Variants in ROBO2 observed in about 807,000 individuals in gnomAD.
The protein encoded by ROBO2 is roundabout guidance receptor 2.
ROBO2 carries 53 observed loss-of-function variants against 160.8 expected under a neutral mutation model. The observed-to-expected ratio is 0.33, with a 90% confidence interval of 0.26 to 0.41. The LOEUF is 0.41. Ranked by LOEUF, ROBO2 falls within the 10% of genes least tolerant of loss-of-function variation. The pLI, the probability that ROBO2 is intolerant of heterozygous loss-of-function variation, is 1.00. For missense variants in ROBO2, 1,577 were observed against 1,722.4 expected (o/e 0.92, Z 1.49); for synonymous variants, 664 against 611.7 (o/e 1.09, Z -1.26).
At chr3:77,632,922 A>G in intron 23 of ROBO2, 1 of 279,618 alleles carries the variant, frequency 3.6e-6, no homozygotes, top group Non-Finnish European at 6.6e-6. Flanking sequence ...TCCTTTTTAT[A>G]TTACGGCAAA....
At chr3:76,824,070 A>G (rs908824147) in intron 2 of ROBO2, among the ~76,000 whole-genome samples, 1 of 152,136 alleles carries the variant, frequency 6.6e-6, no homozygotes, top group Admixed American at 6.6e-5. Flanking sequence ...ACCACCCTTT[A>G]GGGCAACGTT....
At chr3:76,708,063 C>T (rs1381124808) in intron 2 of ROBO2, among the ~76,000 whole-genome samples, 1 of 152,020 alleles carries the variant, frequency 6.6e-6, no homozygotes, top group Non-Finnish European at 1.5e-5. Flanking sequence ...GTTTTCATTC[C>T]CCTTTGAAGC....
chr3:76,354,082 G>A (rs751631824), intron 2 of ROBO2, among the ~76,000 whole-genome samples: 8 of 151,846 alleles, frequency 5.3e-5, no homozygotes, highest in Non-Finnish European at 7.4e-5. Context: ...ATTTTAAATC[G>A]TAATGCAAAG....
chr3:76,358,546 T>C (rs1015935473), intron 2 of ROBO2, among the ~76,000 whole-genome samples: 1 of 152,042 alleles, frequency 6.6e-6, no homozygotes, highest in African/African-American at 2.4e-5. Flanking sequence ...GTATTACAAA[T>C]AAAGCATGTT....
intron 2 of ROBO2, among the ~76,000 whole-genome samples, chr3:76,787,867 C>T (rs140915156): frequency 4.6e-5 from 7 of 151,454 alleles, no homozygotes; most frequent in South Asian, 2.1e-4. Flanking sequence ...ACACATCATA[C>T]GTATCTTAAT....
chr3:76,988,363 T>C (rs1304777069), intron 2 of ROBO2, among the ~76,000 whole-genome samples: 2 of 152,166 alleles, frequency 1.3e-5, no homozygotes, highest in Non-Finnish European at 2.9e-5. Context: ...AAATTGAGAA[T>C]TGAACAATTA....
At chr3:76,374,460 A>C (rs574101727) in intron 2 of ROBO2, among the ~76,000 whole-genome samples, 1 of 152,088 alleles carries the variant, frequency 6.6e-6, no homozygotes, top group African/African-American at 2.4e-5. Flanking sequence ...GATAAACACA[A>C]TAACAGTTTA....
chr3:77,200,650 T>C (rs527319459), intron 2 of ROBO2, among the ~76,000 whole-genome samples: 106 of 152,166 alleles, frequency 7.0e-4, no homozygotes, highest in African/African-American at 2.3e-3. Flanking sequence ...AGAAGGGCTA[T>C]AGTTCAGCTC....
chr3:77,300,465 T>C (rs1382067192), intron 2 of ROBO2, among the ~76,000 whole-genome samples: 3 of 152,044 alleles, frequency 2.0e-5, no homozygotes, highest in Non-Finnish European at 4.4e-5. Context: ...GCCCAACCCA[T>C]CTGTTCTTTT....
intron 2 of ROBO2, among the ~76,000 whole-genome samples, chr3:77,102,649 G>A (rs999873450): frequency 1.3e-5 from 2 of 152,060 alleles, no homozygotes; most frequent in African/African-American, 4.8e-5. Flanking sequence ...AATGTGGAAT[G>A]TTATTGATAA....
At chr3:77,144,219 G>C (rs575756992) in intron 2 of ROBO2, among the ~76,000 whole-genome samples, 13 of 152,154 alleles carry the variant, frequency 8.5e-5, no homozygotes, top group African/African-American at 2.9e-4. Flanking sequence ...TAATTAATAT[G>C]ACCCAGGATG....
At chr3:77,358,280 C>T (rs1179428333) in intron 2 of ROBO2, among the ~76,000 whole-genome samples, 4 of 152,248 alleles carry the variant, frequency 2.6e-5, no homozygotes, top group South Asian at 2.1e-4. Context: ...CTCAACTTGC[C>T]GGGGTTAGAA....
intron 2 of ROBO2, among the ~76,000 whole-genome samples, chr3:76,864,821 A>G (rs1308417166): frequency 1.3e-5 from 2 of 152,108 alleles, no homozygotes; most frequent in African/African-American, 2.4e-5. Context: ...CAGACAAACT[A>G]TTTTCCATCT....
intron 2 of ROBO2, among the ~76,000 whole-genome samples, chr3:76,653,846 A>G (rs1396636527): frequency 6.6e-6 from 1 of 152,176 alleles, no homozygotes; most frequent in Non-Finnish European, 1.5e-5. Context: ...CCTCCATTCA[A>G]TTAGTTACCA....
chr3:77,607,059 G>A (rs1457522136), intron 20 of ROBO2, among the ~76,000 whole-genome samples: 1 of 152,062 alleles, frequency 6.6e-6, no homozygotes, highest in Non-Finnish European at 1.5e-5. Flanking sequence ...TCCTAGATAT[G>A]GCTCATATGC....
At chr3:76,551,890 T>A (rs747178981) in intron 2 of ROBO2, among the ~76,000 whole-genome samples, 9 of 152,034 alleles carry the variant, frequency 5.9e-5, no homozygotes, top group Non-Finnish European at 1.3e-4. Context: ...CACCCACACA[T>A]CCCTCACTGC....
intron 13 of ROBO2, among the ~76,000 whole-genome samples, chr3:77,570,887 A>C (rs367689853): frequency 1.3e-5 from 2 of 152,024 alleles, no homozygotes; most frequent in African/African-American, 4.8e-5. Flanking sequence ...GGCACAAGAC[A>C]TAACTACTGT....
chr3:76,452,651 T>G (rs2077535219), intron 2 of ROBO2, among the ~76,000 whole-genome samples: 1 of 152,208 alleles, frequency 6.6e-6, no homozygotes, highest in South Asian at 2.1e-4. Flanking sequence ...GCCTGTGTCT[T>G]TATAGCAGCA....
chr3:77,197,686 G>A (rs930550871), intron 2 of ROBO2, among the ~76,000 whole-genome samples: 1 of 152,182 alleles, frequency 6.6e-6, no homozygotes, highest in Non-Finnish European at 1.5e-5. Flanking sequence ...CAGAATAAAG[G>A]TCTCTAAAGA....
Sources: allele counts gnomAD v4.1 joint callset (sites outside exome capture counted in the v4.1 genomes callset), GRCh38; gene constraint gnomAD v4.1.1; transcripts MANE v1.5; gene names NCBI Gene and HGNC (gene_info 2026-07-23, HGNC 2026-07-21).